The following PEBP1 variants were observed in gnomAD, a reference collection of about 807,000 sequenced individuals.
PEBP1 encodes phosphatidylethanolamine-binding protein 1.
A neutral mutation model predicts 22.7 loss-of-function variants in PEBP1; 17 were observed. That is an observed-to-expected ratio of 0.75 (90% confidence interval 0.51 to 1.12). PEBP1 has a LOEUF of 1.12. Among genes scored for constraint, PEBP1 ranks in the 50% most tolerant of loss-of-function variants. PEBP1 has a pLI of 0.00. For synonymous variants in PEBP1, 106 were observed against 104.3 expected (o/e 1.02, Z -0.10); for missense variants, 205 against 243.5 (o/e 0.84, Z 1.05).
chr12:118,139,659 A>G (rs2034097999), intron 3 of PEBP1, 108 bp downstream of exon 3: 2 of 657,882 alleles, frequency 3.0e-6, no homozygotes, highest in Non-Finnish European at 5.3e-6. Context: ...TGGAAATAGC[A>G]TCTCAGCTTA....
Position 118,139,445 on chromosome 12 carries a change from A to T in PEBP1, c.246-6A>T. 1 of 1,604,450 alleles carries T rather than the reference A, an allele frequency of 6.2e-7. No individual in the cohort carries two copies. Among genetic ancestry groups the T allele is most frequent in the Non-Finnish European group, 8.5e-7 (1 of 1,173,104 alleles). ...TGGTGCTGACATCCCGTGTTTCTTCATGCAGAGAATGGCATCATTTCCTGG... is the reference window on the plus strand; with the variant it reads ...TGGTGCTGACATCCCGTGTTTCTTCTTGCAGAGAATGGCATCATTTCCTGG... On this transcript the variant is annotated splice_polypyrimidine_tract_variant and splice_region_variant and intron_variant, in intron 2 of 3. Coordinates refer to ENST00000261313, the MANE Select transcript of PEBP1 (RefSeq NM_002567.4).
In PEBP1 at chr12:118,136,411, G is replaced by A; in HGVS notation, c.135+67G>A. 6.1e-6 allele frequency: 9 copies of A among 1,480,152 alleles called. No homozygotes were observed. The highest frequency in any genetic ancestry group is 8.0e-6 in the Non-Finnish European group (9 of 1,120,578). 91.7% of individuals were successfully genotyped at this position (1,480,152 alleles called of 1,614,324 possible). The stretch of plus-strand genomic sequence containing the variant: ...AGGCCTGTGCCGGCCTCCTGGGTGG[G>A]ACCCAGCGGAGACAGGGCCAGGGGC... On this transcript the variant is annotated intron_variant, in intron 1 of 3. Coordinates refer to ENST00000261313, the MANE Select transcript of PEBP1 (RefSeq NM_002567.4). This position sits in a 1 kb window ranked among gnomAD's most constrained non-coding sequence, Gnocchi z 5.6.
At chr12:118,137,002 GC>G (rs766929146) in intron 1 of PEBP1, among the ~76,000 whole-genome samples, 26 of 152,174 alleles carry the variant, frequency 1.7e-4, no homozygotes, top group Non-Finnish European at 1.2e-4. Context: ...AAAATAAACT[GC>G]CCCGACCTTA....
At chr12:118,138,883 G>T (rs999777963) in intron 2 of PEBP1, 5 of 152,212 alleles carry the variant, frequency 3.3e-5, no homozygotes, top group African/African-American at 1.2e-4. Flanking sequence ...AGAGACTGTG[G>T]CCCCCAAAGC....
chr12:118,136,233 G>A lies in PEBP1; in HGVS notation c.24G>A (p.Trp8Ter). 6.5e-7 allele frequency: 1 copy of A among 1,546,936 alleles called. No homozygotes were observed. The highest frequency in any genetic ancestry group is 8.7e-7 in the Non-Finnish European group (1 of 1,146,598). MPVDLSK[W>*]SGPLSLQEVD... ...CCATGCCGGTGGACCTCAGCAAGTG[G>A]TCCGGGCCCTTGAGCCTGCAAGAAG... The change falls in exon 1 of 4, where the codon TGG (tryptophan) becomes TGA (stop). Residue 8 changes from tryptophan (W) to a stop codon, truncating the protein, a stop_gained. Transcript: ENST00000261313. LOFTEE classifies it high-confidence loss of function. This position sits in a 1 kb window ranked among gnomAD's most constrained non-coding sequence, Gnocchi z 5.6.
At chr12:118,142,041 C>T (rs1467423197) in intron 3 of PEBP1, among the ~76,000 whole-genome samples, 1 of 152,098 alleles carries the variant, frequency 6.6e-6, no homozygotes, top group East Asian at 1.9e-4. Flanking sequence ...GCACATGCTA[C>T]ACCAGGATGA....
chr12:118,139,750 C>T (rs937592860), intron 3 of PEBP1, among the ~76,000 whole-genome samples, 199 bp downstream of exon 3: 8 of 152,118 alleles, frequency 5.3e-5, no homozygotes, highest in Admixed American at 2.6e-4. Context: ...TCTGGACAGA[C>T]GGACCCTTTG....
chr12:118,144,055 A>G (rs904661), intron 3 of PEBP1, among the ~76,000 whole-genome samples: 93,134 of 152,056 alleles, frequency 0.61, 28,663 homozygotes, highest in South Asian at 0.7. Flanking sequence ...AAGCAAGTAA[A>G]TTTTGGAGGT....
rs186166187 is a variant in PEBP1 at position 118,137,400 on chromosome 12, A to T, written c.136-639A>T. 3.2e-3 allele frequency among the ~76,000 whole-genome samples: 481 copies of T among 152,206 alleles called. 2 individuals carry two copies. Among genetic ancestry groups the T allele is most frequent in the African/African-American group, 0.011 (461 of 41,522 alleles). ...CAAGACCCCAACTCTACAAAAAAAA[A>T]TTGGCCAGGTGTGATGGTGTGAGCA... On this transcript the variant is annotated intron_variant, in intron 1 of 3. Transcript: ENST00000261313.
Position 118,136,682 on chromosome 12 carries a change from C to T in PEBP1, c.135+338C>T, listed in dbSNP as rs2034063732. Among the ~76,000 whole-genome samples, 1 of 152,234 alleles carries T rather than the reference C, an allele frequency of 6.6e-6. No homozygotes were observed. Among genetic ancestry groups the T allele is most frequent in the African/African-American group, 2.4e-5 (1 of 41,462 alleles). ...CCAGGGCGCTGGAGAGGGACGTCGC[C>T]GGGACAGAGTAGGCTGTGGCTGCCC... is the stretch of plus-strand genomic sequence containing the variant. On this transcript the variant is annotated intron_variant, in intron 1 of 3. Transcript: ENST00000261313. This position sits in a 1 kb window ranked among gnomAD's most constrained non-coding sequence, Gnocchi z 5.6.
Position 118,144,953 on chromosome 12 carries a change from C to T in PEBP1, c.*150C>T. 6.5e-7 allele frequency: 1 copy of T among 1,537,684 alleles called. No individual in the cohort carries two copies. Among genetic ancestry groups the T allele is most frequent in the Non-Finnish European group, 8.7e-7 (1 of 1,147,850 alleles). ...AGATGGTAGTTGAGGGTGACTTTTC[C>T]TGCTGCCTGGCCTTTATAATTTTAC... On this transcript the variant is annotated 3_prime_UTR_variant, in exon 4 of 4. Transcript: ENST00000261313.
intron 3 of PEBP1, 57 bp downstream of exon 3, chr12:118,139,608 G>A: frequency 9.5e-7 from 1 of 1,058,192 alleles, no homozygotes; most frequent in Non-Finnish European, 1.5e-6. Flanking sequence ...GGCACATTAG[G>A]ATTGACCCAA....
intron 3 of PEBP1, among the ~76,000 whole-genome samples, chr12:118,142,458 G>T (rs1402924663): frequency 6.6e-6 from 1 of 151,728 alleles, no homozygotes; most frequent in East Asian, 1.9e-4. Flanking sequence ...CTCCCAAAGT[G>T]CTGGGATTAC....
chr12:118,139,069 C>G (rs1357010572), intron 2 of PEBP1: 1 of 234,666 alleles, frequency 4.3e-6, no homozygotes, highest in African/African-American at 2.3e-5. Flanking sequence ...AATTCCAGCA[C>G]TTTGGGAGGC....
Position 118,139,374 on chromosome 12 carries a change from T to C in PEBP1, c.246-77T>C, listed in dbSNP as rs1445920241. ...TGTGTTGTGGCAGCCAGCATGTTCT[T>C]GATGCCCAGTTGCTGACTGTGCAGT... On this transcript the variant is annotated intron_variant, in intron 2 of 3. Coordinates refer to ENST00000261313, the MANE Select transcript of PEBP1 (RefSeq NM_002567.4). 3 of 952,152 alleles carry C rather than the reference T, an allele frequency of 3.2e-6. No individual in the cohort carries two copies. In the Admixed American group the frequency reaches 5.1e-5, roughly 16 times the overall value. The allele number at this position is 952,152 out of a possible 1,614,324, so 59.0% of individuals were successfully genotyped here.
chr12:118,144,510 A>T (rs971347237), intron 3 of PEBP1, 76 bp from the exon 4 acceptor site: 3 of 1,432,698 alleles, frequency 2.1e-6, no homozygotes, highest in Non-Finnish European at 2.9e-6. Context: ...ATGTTGAAAC[A>T]TTCGATAAAA....
Position 118,139,395 on chromosome 12 carries a change from G to A in PEBP1, c.246-56G>A, listed in dbSNP as rs1362338192. On this transcript the variant is annotated intron_variant, in intron 2 of 3. Coordinates refer to ENST00000261313, the MANE Select transcript of PEBP1 (RefSeq NM_002567.4). ...TTCTTGATGCCCAGTTGCTGACTGT[G>A]CAGTGAATGTTCCCTGATCTCCTGT... The A allele has an allele frequency of 3.5e-6, 4 of 1,159,032 alleles. No homozygotes were observed. In the East Asian group the frequency reaches 9.4e-5, roughly 27 times the overall value. 71.8% of individuals were successfully genotyped at this position (1,159,032 alleles called of 1,614,324 possible). A position where few individuals can be genotyped will look rare whatever the true frequency, so the allele number is the denominator to read the frequency against.
At chr12:118,137,396 A>C (rs975450705) in intron 1 of PEBP1, among the ~76,000 whole-genome samples, 2 of 152,078 alleles carry the variant, frequency 1.3e-5, no homozygotes, top group South Asian at 2.1e-4. Flanking sequence ...CTCTACAAAA[A>C]AAAATTGGCC....
intron 3 of PEBP1, 98 bp downstream of exon 3, chr12:118,139,649 T>C (rs77598459): frequency 0.025 from 17,992 of 711,556 alleles, 342 homozygotes; most frequent in South Asian, 0.031. Context: ...TTAACCCTGC[T>C]GGAAATAGCA....
Sources: allele counts gnomAD v4.1 joint callset (sites outside exome capture counted in the v4.1 genomes callset), GRCh38; gene constraint gnomAD v4.1.1; non-coding constraint Gnocchi (gnomAD v3.1); transcripts MANE v1.5; gene names NCBI Gene and HGNC (gene_info 2026-07-23, HGNC 2026-07-21).